Variants in RER1 observed in about 807,000 individuals in gnomAD.
RER1 encodes the protein retention in endoplasmic reticulum sorting receptor 1.
A neutral mutation model predicts 28.3 loss-of-function variants in RER1; 6 were observed. The observed-to-expected ratio is 0.21, with a 90% CI of 0.12 to 0.42. The LOEUF is 0.42. RER1 is among the 10% of genes least tolerant of loss of function. The pLI is 1.00. For missense variants in RER1, 159 were observed against 252.9 expected, an observed-to-expected ratio of 0.63 and a Z score of 2.52; for synonymous variants, 110 against 95.9, an observed-to-expected ratio of 1.15 and a Z score of -0.86.
chr1:2,403,309 A>C lies in RER1; in HGVS notation c.*185A>C. On this transcript the variant is annotated 3_prime_UTR_variant, in exon 7 of 7. Transcript: ENST00000605895. Reference sequence around the variant, plus strand: ...GAAACTGGCGCTTAAACCAAATCGCATGGATTTCTTTTTCAGTGACGTTCA... The same window carrying C: ...GAAACTGGCGCTTAAACCAAATCGCCTGGATTTCTTTTTCAGTGACGTTCA... The C allele has an allele frequency of 1.8e-6, 1 of 559,622 alleles. No individual in the cohort carries two copies. Among genetic ancestry groups the C allele is most frequent in the South Asian group, 2.0e-5 (1 of 49,474 alleles). The allele number at this position is 559,622 out of a possible 1,614,324, so 34.7% of individuals were successfully genotyped here. A position where few individuals can be genotyped will look rare whatever the true frequency, so the allele number is the denominator to read the frequency against.
chr1:2,396,302 C>CT (rs1642767273), intron 2 of RER1: 1 of 184,634 alleles, frequency 5.4e-6, no homozygotes, highest in Non-Finnish European at 1.2e-5. Flanking sequence ...GTGTGCATTG[C>CT]TTGGTGAGTG....
chr1:2,395,704 A>T, intron 1 of RER1, 80 bp from the exon 2 acceptor site: 1 of 941,518 alleles, frequency 1.1e-6, no homozygotes, highest in Non-Finnish European at 1.7e-6. Context: ...AACCTACTTG[A>T]CAGTGTTGGT....
At chr1:2,392,179 C>T (rs1466949710) in intron 1 of RER1, among the ~76,000 whole-genome samples, 20 of 148,032 alleles carry the variant, frequency 1.4e-4, no homozygotes, top group Non-Finnish European at 2.1e-4. Context: ...GGGGGTGCGG[C>T]GGAGCCCTGG....
intron 5 of RER1, among the ~76,000 whole-genome samples, chr1:2,401,656 G>A (rs954501386): frequency 6.6e-6 from 1 of 152,022 alleles, no homozygotes; most frequent in African/African-American, 2.4e-5. Context: ...TAAACTGAAG[G>A]AGCCTGCTGA....
rs764414613 is a variant in RER1 at position 2,397,197 on chromosome 1, A to G, written c.163A>G (p.Met55Val). 9 of 1,613,802 alleles carry G rather than the reference A, an allele frequency of 5.6e-6. No individual in the cohort carries two copies. The highest frequency in any genetic ancestry group is 4.5e-5 in the East Asian group (2 of 44,888). ...GACACTGGGCCTGAGCTTTGTCTAC[A>G]TGATTCGAGTTTACCTGCTGCAGGT... ...VVTLGLSFVY[M>V]IRVYLLQGWY... Residue 55 changes from methionine to valine, a missense_variant, in exon 3 of 7, where the codon ATG becomes GTG. Physicochemically the swap from Met to Val is conservative, Grantham distance 21 (BLOSUM62 1). Transcript: ENST00000605895.
At chr1:2,402,106 T>C (rs1355938413) in intron 5 of RER1, 101 bp from the exon 6 acceptor site, 3 of 1,612,444 alleles carry the variant, frequency 1.9e-6, no homozygotes, top group African/African-American at 1.3e-5. Context: ...GGGATGCTTC[T>C]GTTTGCGGGG....
rs1202746249 is a variant in RER1 at position 2,404,240 on chromosome 1, A to G, written c.*1116A>G. 6.6e-6 allele frequency: 1 copy of G among 152,192 alleles called. No homozygotes were observed. The allele number at this position is 152,192 out of a possible 1,614,324, so 9.4% of individuals were successfully genotyped here. On this transcript the variant is annotated 3_prime_UTR_variant, in exon 7 of 7. Transcript: ENST00000605895. ...CTTAGTGTCTGGATTTTCTTGTACC[A>G]GTGTTTACATATCTGACATCGAGCT...
At chr1:2,392,734 C>G (rs1297448764) in intron 1 of RER1, among the ~76,000 whole-genome samples, 1 of 152,198 alleles carries the variant, frequency 6.6e-6, no homozygotes, top group African/African-American at 2.4e-5. Context: ...ATAAAGGGTT[C>G]TCAGTAATTC....
intron 5 of RER1, among the ~76,000 whole-genome samples, chr1:2,401,167 T>C (rs1459416273): frequency 6.6e-6 from 1 of 151,572 alleles, no homozygotes; most frequent in African/African-American, 2.4e-5. Context: ...GCGCACCGGC[T>C]TCTGTGGTTG....
chr1:2,401,086 T>C, intron 5 of RER1, 151 bp downstream of exon 5: 1 of 681,090 alleles, frequency 1.5e-6, no homozygotes, highest in Non-Finnish European at 2.6e-6. Context: ...AGAAGGCCAC[T>C]CACTACCTTG....
chr1:2,397,308 T>C, intron 3 of RER1, 88 bp downstream of exon 3: 1 of 854,022 alleles, frequency 1.2e-6, no homozygotes, highest in Non-Finnish European at 2.0e-6. Context: ...CCAGTCTGTC[T>C]TGCAGGAAGT....
In RER1 at chr1:2,395,838, G is replaced by A. The variant is rs200462998; in HGVS notation, c.48G>A (p.Ser16=). 5.7e-5 allele frequency: 92 copies of A among 1,614,104 alleles called. 1 individual carries two copies. The highest frequency in any genetic ancestry group is 7.2e-5 in the Non-Finnish European group (85 of 1,179,940). Residue 16 remains serine (S), a synonymous_variant, in exon 2 of 7, where the codon TCG becomes TCA. Coordinates refer to ENST00000605895, the MANE Select transcript of RER1 (RefSeq NM_007033.5). ...GAGAATCCGTCCATGGGAAACCTTCGGTGGTGTACAGATTTTTCACAAGAC... is the reference window on the plus strand; with the variant it reads ...GAGAATCCGTCCATGGGAAACCTTCAGTGGTGTACAGATTTTTCACAAGAC... ...SVGESVHGKP[S]VVYRFFTRLG...
At chr1:2,401,310 C>CCTCCCTCCTT (rs1642851460) in intron 5 of RER1, among the ~76,000 whole-genome samples, 2 of 101,196 alleles carry the variant, frequency 2.0e-5, no homozygotes, top group East Asian at 7.1e-4. Flanking sequence ...CCTGCCGCCT[C>CCTCCCTCCTT]CTCCCTCCTT....
At chr1:2,401,298 TTCCTGCCG>T in intron 5 of RER1, among the ~76,000 whole-genome samples, 3 of 59,996 alleles carry the variant, frequency 5.0e-5, no homozygotes, top group South Asian at 7.6e-4. Context: ...TCCTCCCTCC[TTCCTGCCG>T]CCTCCTCCCT....
At chr1:2,401,365 C>T (rs1302544285) in intron 5 of RER1, among the ~76,000 whole-genome samples, 1 of 34,594 alleles carries the variant, frequency 2.9e-5, no homozygotes, top group Non-Finnish European at 6.3e-5. Flanking sequence ...CCCTCCTCCT[C>T]CCTCCTTCCT....
chr1:2,398,862 A>G (rs1309977127), intron 3 of RER1, among the ~76,000 whole-genome samples: 1 of 152,188 alleles, frequency 6.6e-6, no homozygotes, highest in African/African-American at 2.4e-5. Flanking sequence ...ACTTTTCTGG[A>G]TTTCCCAGTT....
chr1:2,397,973 C>T (rs1336046125), intron 3 of RER1, among the ~76,000 whole-genome samples: 1 of 149,986 alleles, frequency 6.7e-6, no homozygotes, highest in Non-Finnish European at 1.5e-5. Flanking sequence ...TTAAAGCACA[C>T]ACCTTAATTT....
intron 1 of RER1, among the ~76,000 whole-genome samples, chr1:2,392,788 C>T (rs1642703975): frequency 2.0e-5 from 3 of 152,186 alleles, no homozygotes; most frequent in South Asian, 2.1e-4. Context: ...GTGACGGCGA[C>T]GGCGGTAACA....
intron 4 of RER1, 63 bp downstream of exon 4, chr1:2,399,577 T>G: frequency 2.0e-6 from 2 of 992,896 alleles, no homozygotes; most frequent in Non-Finnish European, 3.2e-6. Flanking sequence ...CTGATGGGAT[T>G]GCCCAGTGTT....
Sources: allele counts gnomAD v4.1 joint callset (sites outside exome capture counted in the v4.1 genomes callset), GRCh38; gene constraint gnomAD v4.1.1; transcripts MANE v1.5; gene names NCBI Gene and HGNC (gene_info 2026-07-23, HGNC 2026-07-21).